JMJD1C: variants seen among roughly 807,000 people sequenced by gnomAD.
JMJD1C encodes jumonji domain-containing protein 1C.
In JMJD1C, 31 loss-of-function variants were observed where a neutral mutation model predicts 245.3. The ratio of observed to expected loss-of-function variants is 0.13; its 90% CI spans 0.09 to 0.17. JMJD1C has a LOEUF of 0.17. Ranked by LOEUF, JMJD1C falls within the 10% of genes least tolerant of loss-of-function variation. The probability of loss-of-function intolerance (pLI) is 1.00; values close to 1 mark genes in which losing one functional copy is unlikely to be tolerated. For synonymous variants in JMJD1C, 1,057 were observed against 1,017.4 expected (o/e 1.04, Z -0.74); for missense variants, 2,691 against 3,000.2 (o/e 0.90, Z 2.41).
intron 3 of JMJD1C, among the ~76,000 whole-genome samples, chr10:63,240,772 G>A (rs773921391): frequency 6.6e-6 from 1 of 152,044 alleles, no homozygotes; most frequent in Non-Finnish European, 1.5e-5. Flanking sequence ...GTGAAGACAG[G>A]TTCTAGAATA....
chr10:63,443,418 C>G (rs1396527782), intron 1 of JMJD1C, among the ~76,000 whole-genome samples: 1 of 152,150 alleles, frequency 6.6e-6, no homozygotes, highest in African/African-American at 2.4e-5. Flanking sequence ...TCAAGTGATT[C>G]TCCAGCCTCA....
In JMJD1C at chr10:63,167,941, G is replaced by T. The variant is rs1841994434; in HGVS notation, c.*104C>A. The T allele has an allele frequency of 4.2e-6, 3 of 711,462 alleles. No individual in the cohort carries two copies. Among genetic ancestry groups the T allele is most frequent in the Non-Finnish European group, 7.5e-6 (3 of 398,504 alleles). The allele number at this position is 711,462 out of a possible 1,614,324, so 44.1% of individuals were successfully genotyped here. A position where few individuals can be genotyped will look rare whatever the true frequency, so the allele number is the denominator to read the frequency against. On this transcript the variant is annotated 3_prime_UTR_variant, in exon 26 of 26. Coordinates refer to ENST00000399262, the MANE Select transcript of JMJD1C (RefSeq NM_032776.3). ...TAATTACTACAAAGAGAATTTCTTGGCACTGATGGTTTTATGAAGCTTAAA... is the reference window on the plus strand; with the variant it reads ...TAATTACTACAAAGAGAATTTCTTGTCACTGATGGTTTTATGAAGCTTAAA...
chr10:63,208,698 G>T lies in JMJD1C; in HGVS notation c.2971C>A (p.His991Asn). 2 of 1,614,040 alleles carry T rather than the reference G, an allele frequency of 1.2e-6. No individual in the cohort carries two copies. The change falls in exon 10 of 26, where the codon CAC becomes AAC. Residue 991 changes from histidine to asparagine, a missense_variant. Physicochemically the swap from His to Asn is moderately conservative, Grantham distance 68 (BLOSUM62 1). Coordinates refer to ENST00000399262, the MANE Select transcript of JMJD1C (RefSeq NM_032776.3). ...LNRSQTGKDC[H>N]LHRHFVDPVL... is the part of the protein sequence containing the mutation. Reference sequence around the variant, plus strand: ...GGATCCACAAAATGCCTATGTAAGTGACAATCTTTTCCAGTCTGTGACCTA... The same window carrying T: ...GGATCCACAAAATGCCTATGTAAGTTACAATCTTTTCCAGTCTGTGACCTA...
chr10:63,320,170 T>C (rs1394364879), intron 2 of JMJD1C, among the ~76,000 whole-genome samples: 2 of 152,196 alleles, frequency 1.3e-5, no homozygotes, highest in Admixed American at 1.3e-4. Flanking sequence ...CTTTCCAAAG[T>C]GCTGGGATTA....
chr10:63,335,638 A>G (rs1255710055), intron 2 of JMJD1C, among the ~76,000 whole-genome samples: 1 of 152,072 alleles, frequency 6.6e-6, no homozygotes, highest in East Asian at 1.9e-4. Flanking sequence ...CAGCCTCCCA[A>G]GTAGCTAGGA....
chr10:63,184,239 A>AT (rs34600901), intron 21 of JMJD1C, among the ~76,000 whole-genome samples: 2,138 of 131,386 alleles, frequency 0.016, 35 homozygotes, highest in African/African-American at 0.038. Flanking sequence ...TTGAACAGAA[A>AT]TTTTTTTTTT....
At chr10:63,189,715 C>T (rs990618463) in intron 17 of JMJD1C, among the ~76,000 whole-genome samples, 3 of 151,972 alleles carry the variant, frequency 2.0e-5, no homozygotes, top group Non-Finnish European at 4.4e-5. Context: ...GGTGGCATCC[C>T]TCATATACAT....
At chr10:63,228,930 T>G (rs1849635764) in intron 3 of JMJD1C, among the ~76,000 whole-genome samples, 1 of 152,148 alleles carries the variant, frequency 6.6e-6, no homozygotes, top group Admixed American at 6.5e-5. Context: ...TAGGAAAAAT[T>G]ATCTAATTTG....
At chr10:63,411,905 ATTTTTTTT>A (rs1174450794) in intron 1 of JMJD1C, among the ~76,000 whole-genome samples, 3 of 126,198 alleles carry the variant, frequency 2.4e-5, no homozygotes, top group Non-Finnish European at 3.3e-5. Flanking sequence ...GCCTGGCCCA[ATTTTTTTT>A]TTTTTTTTTT....
At chr10:63,333,118 C>A (rs1389399601) in intron 2 of JMJD1C, among the ~76,000 whole-genome samples, 1 of 151,952 alleles carries the variant, frequency 6.6e-6, no homozygotes. Flanking sequence ...GTAAAATATA[C>A]AAAATTAATA....
chr10:63,265,783 G>T (rs1225467725), intron 2 of JMJD1C, among the ~76,000 whole-genome samples: 1 of 152,128 alleles, frequency 6.6e-6, no homozygotes, highest in African/African-American at 2.4e-5. Context: ...AATCTTTCTA[G>T]CTACAGGGTA....
At chr10:63,457,540 G>T (rs1018275104) in intron 1 of JMJD1C, among the ~76,000 whole-genome samples, 1 of 151,972 alleles carries the variant, frequency 6.6e-6, no homozygotes, top group South Asian at 2.1e-4. Context: ...ACAACAAACA[G>T]TAAGCAAAGG....
intron 1 of JMJD1C, among the ~76,000 whole-genome samples, chr10:63,381,879 C>T (rs1947245921): frequency 6.6e-6 from 1 of 152,088 alleles, no homozygotes; most frequent in African/African-American, 2.4e-5. Flanking sequence ...GATGTCTGTA[C>T]TGATGACTCT....
Position 63,380,433 on chromosome 10 carries a change from T to C in JMJD1C, c.218A>G (p.Lys73Arg), listed in dbSNP as rs911309366. Residue 73 changes from lysine to arginine, a missense_variant, in exon 2 of 26, where the codon AAA (lysine) becomes AGA (arginine). Physicochemically the swap from Lys to Arg is conservative, Grantham distance 26. Around this residue, in one of 9 missense-constraint regions of JMJD1C, gnomAD observed 135 missense variants for 115.5 expected, o/e 1.17. Transcript: ENST00000399262. ...GAAAGTTGAAAAATCTTCATAAACT[T>C]TAACCCACTCTCGTTTATCCCATTC... ...DLEWDKREWV[K>R]VYEDFSTFLV... The C allele has an allele frequency of 2.5e-6, 4 of 1,613,900 alleles. No individual in the cohort carries two copies. The highest frequency in any genetic ancestry group is 3.4e-6 in the Non-Finnish European group (4 of 1,179,938).
intron 1 of JMJD1C, among the ~76,000 whole-genome samples, chr10:63,463,151 A>G (rs1028986298): frequency 9.2e-5 from 14 of 151,938 alleles, no homozygotes; most frequent in African/African-American, 3.1e-4. Context: ...TTTTCCATAT[A>G]CTTTCTTTTT....
At chr10:63,482,138 CA>C (rs1953849118) in intron 1 of JMJD1C, among the ~76,000 whole-genome samples, 1 of 152,082 alleles carries the variant, frequency 6.6e-6, no homozygotes, top group Non-Finnish European at 1.5e-5. Context: ...CAATCAACCT[CA>C]TTTCCTTACG....
At chr10:63,243,108 T>TATATATATATATATATAA (rs1239264578) in intron 3 of JMJD1C, among the ~76,000 whole-genome samples, 1 of 124,772 alleles carries the variant, frequency 8.0e-6, no homozygotes, top group African/African-American at 2.7e-5. Flanking sequence ...ATAAATTATA[T>TATATATATATATATATAA]ATATATATAT....
At chr10:63,448,150 ATTTTAT>A (rs1004924605) in intron 1 of JMJD1C, among the ~76,000 whole-genome samples, 1 of 152,010 alleles carries the variant, frequency 6.6e-6, no homozygotes, top group African/African-American at 2.4e-5. Flanking sequence ...AATACATTTT[ATTTTAT>A]TTTAATTTTA....
intron 3 of JMJD1C, among the ~76,000 whole-genome samples, chr10:63,248,272 C>T (rs1188410992): frequency 6.6e-6 from 1 of 151,752 alleles, no homozygotes; most frequent in Non-Finnish European, 1.5e-5. Flanking sequence ...ACCAGCCTGA[C>T]CAACATGGTG....
Sources: allele counts gnomAD v4.1 joint callset (sites outside exome capture counted in the v4.1 genomes callset), GRCh38; gene constraint gnomAD v4.1.1; regional missense constraint gnomAD v4.1.1; transcripts MANE v1.5; gene names NCBI Gene and HGNC (gene_info 2026-07-23, HGNC 2026-07-21).